APBA2: variants seen among roughly 807,000 people sequenced by gnomAD.
APBA2 encodes the protein amyloid-beta A4 precursor protein-binding family A member 2.
A neutral mutation model predicts 75.0 loss-of-function variants in APBA2; 30 were observed. That is an observed-to-expected ratio of 0.40 (90% CI 0.30 to 0.54). The LOEUF is 0.54. Ranked by LOEUF, APBA2 falls within the 20% of genes least tolerant of loss-of-function variation. The probability of loss-of-function intolerance (pLI) is 0.49; values close to 1 mark genes in which losing one functional copy is unlikely to be tolerated. For missense variants in APBA2, 801 were observed against 1,016.1 expected (o/e 0.79, Z 2.88); for synonymous variants, 444 against 409.6 (o/e 1.08, Z -1.01).
At chr15:28,966,516 A>G (rs2036747183) in intron 2 of APBA2, among the ~76,000 whole-genome samples, 1 of 151,924 alleles carries the variant, frequency 6.6e-6, no homozygotes, top group African/African-American at 2.4e-5. Context: ...CTTTCTCATG[A>G]TTAGTGTTGG....
chr15:28,942,641 C>A (rs1251952639), intron 2 of APBA2, among the ~76,000 whole-genome samples: 2 of 152,180 alleles, frequency 1.3e-5, no homozygotes, highest in African/African-American at 2.4e-5. Context: ...AGCGCGGGAT[C>A]CCCCACTTTC....
intron 3 of APBA2, among the ~76,000 whole-genome samples, chr15:29,042,420 A>G (rs1211344908): frequency 2.0e-5 from 3 of 151,910 alleles, no homozygotes; most frequent in Non-Finnish European, 2.9e-5. Flanking sequence ...CTACAAGTGC[A>G]TGCCACCACG....
intron 2 of APBA2, among the ~76,000 whole-genome samples, chr15:28,950,257 T>C (rs1166360678): frequency 6.6e-6 from 1 of 152,122 alleles, no homozygotes; most frequent in Non-Finnish European, 1.5e-5. Flanking sequence ...TTGCATGATA[T>C]CAATATGACT....
At chr15:29,107,913 T>C (rs1020355610) in intron 12 of APBA2, among the ~76,000 whole-genome samples, 2 of 152,186 alleles carry the variant, frequency 1.3e-5, no homozygotes, top group Non-Finnish European at 2.9e-5. Flanking sequence ...GGCATGATGA[T>C]GGCCCCCTCG....
chr15:28,960,462 CA>C (rs112383004), intron 2 of APBA2, among the ~76,000 whole-genome samples: 15,384 of 135,262 alleles, frequency 0.11, 1,109 homozygotes, highest in East Asian at 0.42. Flanking sequence ...GACCTTGTCT[CA>C]AAAAAAAAAA....
intron 3 of APBA2, among the ~76,000 whole-genome samples, chr15:28,998,213 T>G (rs1298831636): frequency 1.3e-5 from 2 of 151,526 alleles, no homozygotes; most frequent in East Asian, 3.9e-4. Flanking sequence ...TTTTTTTTTT[T>G]TTTGAGAATT....
At chr15:29,036,481 G>A (rs1300262919) in intron 3 of APBA2, among the ~76,000 whole-genome samples, 1 of 152,154 alleles carries the variant, frequency 6.6e-6, no homozygotes, top group East Asian at 1.9e-4. Context: ...GGTGGTGGGA[G>A]CAGCTCTGGA....
chr15:29,093,428 T>C (rs1433123696), intron 7 of APBA2, among the ~76,000 whole-genome samples: 2 of 152,226 alleles, frequency 1.3e-5, no homozygotes, highest in East Asian at 3.9e-4. Context: ...AACCAGCTCC[T>C]TAACAAGAGG....
In APBA2 at chr15:28,886,071, T is replaced by G. The variant is rs2152589341; in HGVS notation, c.-412T>G. Reference sequence around the variant, plus strand: ...GGATGCGCCCCGCAGCCGCGCCGCGTGCGCCCGGCAGAGGCGGCCCTGCGT... The same window carrying G: ...GGATGCGCCCCGCAGCCGCGCCGCGGGCGCCCGGCAGAGGCGGCCCTGCGT... On this transcript the variant is annotated 5_prime_UTR_variant, in exon 1 of 15. Coordinates refer to ENST00000683413, the MANE Select transcript of APBA2 (RefSeq NM_001353788.2). The G allele has an allele frequency of 6.7e-6, 1 of 148,928 alleles. No individual in the cohort carries two copies. The highest frequency in any genetic ancestry group is 1.5e-5 in the Non-Finnish European group (1 of 66,870). 9.2% of individuals were successfully genotyped at this position (148,928 alleles called of 1,614,324 possible). A position where few individuals can be genotyped will look rare whatever the true frequency, so the allele number is the denominator to read the frequency against.
chr15:29,011,239 C>T (rs897959122), intron 3 of APBA2, among the ~76,000 whole-genome samples: 4 of 152,166 alleles, frequency 2.6e-5, no homozygotes, highest in Non-Finnish European at 5.9e-5. Context: ...CATCATCCAT[C>T]GATAGACATT....
rs1348773978 is a variant in APBA2, at chr15:29,106,872, CATCCCCACTTTGCTGCA to C, written c.1917+64_1917+80del. Reference sequence around the variant, plus strand: ...GGGTCACCTCAACCCTGCCTCACTTCATCCCCACTTTGCTGCAATCCCCACTTCACTGCAATCCCCAC... The same window carrying C: ...GGGTCACCTCAACCCTGCCTCACTTCATCCCCACTTCACTGCAATCCCCAC... On this transcript the variant is annotated intron_variant, in intron 12 of 14. Coordinates refer to ENST00000683413, the MANE Select transcript of APBA2 (RefSeq NM_001353788.2). 4.2e-5 allele frequency: 65 copies of C among 1,541,082 alleles called. No individual in the cohort carries two copies. In the South Asian group the frequency reaches 5.6e-4, roughly 13 times the overall value.
At chr15:29,063,357 G>A (rs1352529874) in intron 4 of APBA2, among the ~76,000 whole-genome samples, 1 of 137,722 alleles carries the variant, frequency 7.3e-6, no homozygotes, top group Non-Finnish European at 1.6e-5. Flanking sequence ...GGTGGTGCAG[G>A]GAGTTGATCT....
At chr15:29,076,190 C>T in intron 6 of APBA2, 99 bp downstream of exon 6, 9 of 1,276,314 alleles carry the variant, frequency 7.1e-6, no homozygotes, top group Non-Finnish European at 1.0e-5. Context: ...AGCTTGTTTA[C>T]AAAGCGTGCC....
chr15:28,901,908 ATG>A (rs766260051), intron 1 of APBA2, among the ~76,000 whole-genome samples: 6,481 of 67,366 alleles, frequency 0.096, 362 homozygotes, highest in East Asian at 0.38. Flanking sequence ...GGAGCTTTTG[ATG>A]TGTGTGTGTG....
At chr15:28,929,541 T>C (rs1363765963) in intron 2 of APBA2, among the ~76,000 whole-genome samples, 2 of 152,212 alleles carry the variant, frequency 1.3e-5, no homozygotes, top group African/African-American at 4.8e-5. Flanking sequence ...TGTATGGTGC[T>C]GGCGCCCAGG....
chr15:29,104,530 G>A (rs537879011), intron 10 of APBA2, among the ~76,000 whole-genome samples: 165 of 152,384 alleles, frequency 1.1e-3, no homozygotes, highest in Admixed American at 3.5e-3. Context: ...AGTCGGTGAT[G>A]TCCACTGAAG....
chr15:29,049,134 C>T (rs1158456903), intron 3 of APBA2, among the ~76,000 whole-genome samples: 1 of 151,994 alleles, frequency 6.6e-6, no homozygotes, highest in Non-Finnish European at 1.5e-5. Context: ...GCTGTGGTGC[C>T]CACACTTTGC....
intron 3 of APBA2, among the ~76,000 whole-genome samples, chr15:29,039,806 C>A (rs1186977103): frequency 1.3e-5 from 2 of 152,208 alleles, no homozygotes; most frequent in African/African-American, 2.4e-5. Flanking sequence ...TGGATGACAT[C>A]AGTGCTGTCC....
chr15:28,978,060 G>A (rs138033921), intron 2 of APBA2, among the ~76,000 whole-genome samples: 1 of 152,344 alleles, frequency 6.6e-6, no homozygotes, highest in Non-Finnish European at 1.5e-5. Flanking sequence ...AAGGGGTGTG[G>A]TGAGGGCTTA....
Sources: gnomAD v4.1 joint callset for allele counts (sites outside exome capture counted in the v4.1 genomes callset) on GRCh38, gnomAD v4.1.1 for gene constraint, MANE v1.5 for transcripts, NCBI Gene and HGNC (gene_info 2026-07-23, HGNC 2026-07-21) for gene names.